ATRNL1: variants seen among roughly 807,000 people sequenced by gnomAD.
ATRNL1 encodes attractin-like protein 1.
ATRNL1 carries 95 observed loss-of-function variants against 182.7 expected under a neutral mutation model. The observed-to-expected ratio is 0.52, with a 90% CI of 0.44 to 0.62. The LOEUF (loss-of-function observed/expected upper bound fraction) is 0.62, where lower values mean the gene tolerates loss of function less well. ATRNL1 is among the 20% of genes least tolerant of loss of function. The pLI is 0.00. For synonymous variants in ATRNL1, 576 were observed against 568.3 expected, an observed-to-expected ratio of 1.01 and a Z score of -0.19; for missense variants, 1,471 against 1,679.5, an observed-to-expected ratio of 0.88 and a Z score of 2.17.
At chr10:115,388,744 T>A (rs1843807511) in intron 19 of ATRNL1, among the ~76,000 whole-genome samples, 1 of 152,074 alleles carries the variant, frequency 6.6e-6, no homozygotes, top group African/African-American at 2.4e-5. Flanking sequence ...AAATAATATT[T>A]ACATTCATGG....
At chr10:115,340,395 C>A (rs2134091827) in intron 19 of ATRNL1, among the ~76,000 whole-genome samples, 1 of 151,968 alleles carries the variant, frequency 6.6e-6, no homozygotes, top group East Asian at 1.9e-4. Flanking sequence ...ACAGCCTTGG[C>A]CTCCCAAAGT....
At chr10:115,470,888 A>G (rs1848278129) in intron 24 of ATRNL1, among the ~76,000 whole-genome samples, 1 of 150,774 alleles carries the variant, frequency 6.6e-6, no homozygotes, top group African/African-American at 2.4e-5. Context: ...ATATGTGTTT[A>G]TTTATAAGAC....
chr10:115,639,648 G>A (rs1311628854), intron 26 of ATRNL1, among the ~76,000 whole-genome samples: 4 of 152,156 alleles, frequency 2.6e-5, no homozygotes, highest in African/African-American at 7.2e-5. Context: ...ATATATGTAT[G>A]TAGCAGTACA....
At chr10:115,221,342 A>G (rs782264541) in intron 9 of ATRNL1, among the ~76,000 whole-genome samples, 7 of 152,086 alleles carry the variant, frequency 4.6e-5, no homozygotes, top group Non-Finnish European at 8.8e-5. Flanking sequence ...GTATAGACTG[A>G]TATTTATTTT....
intron 27 of ATRNL1, among the ~76,000 whole-genome samples, chr10:115,737,466 A>G (rs2532710): frequency 0.95 from 144,408 of 152,090 alleles, 68,989 homozygotes; most frequent in East Asian, 1. Flanking sequence ...TACTTCATTA[A>G]GCATTTGGTT....
At chr10:115,264,799 A>T (rs782343516) in intron 10 of ATRNL1, among the ~76,000 whole-genome samples, 1 of 151,684 alleles carries the variant, frequency 6.6e-6, no homozygotes, top group Middle Eastern at 3.2e-3. Context: ...TGACTTTTGT[A>T]TGCATACATG....
intron 20 of ATRNL1, among the ~76,000 whole-genome samples, chr10:115,420,707 C>T (rs1051165696): frequency 1.3e-5 from 2 of 151,508 alleles, no homozygotes; most frequent in East Asian, 3.9e-4. Context: ...TAATAAAGAA[C>T]AGAGAAGAAA....
intron 26 of ATRNL1, among the ~76,000 whole-genome samples, chr10:115,616,806 A>G (rs1857450964): frequency 6.6e-6 from 1 of 152,234 alleles, no homozygotes; most frequent in African/African-American, 2.4e-5. Flanking sequence ...GAGGCTAGAG[A>G]ACCTCTGCCT....
chr10:115,889,372 C>G (rs529630129), intron 28 of ATRNL1, among the ~76,000 whole-genome samples: 6 of 134,320 alleles, frequency 4.5e-5, no homozygotes, highest in Non-Finnish European at 9.3e-5. Context: ...GAGTCTTGCT[C>G]TGTCACCCAG....
intron 9 of ATRNL1, among the ~76,000 whole-genome samples, chr10:115,217,017 G>A (rs1331572690): frequency 6.6e-6 from 1 of 151,924 alleles, no homozygotes; most frequent in Non-Finnish European, 1.5e-5. Context: ...TGCTATGTTA[G>A]CAAGTGGAAT....
chr10:115,131,014 T>A (rs947568351), intron 5 of ATRNL1, among the ~76,000 whole-genome samples: 2 of 152,138 alleles, frequency 1.3e-5, no homozygotes, highest in Non-Finnish European at 2.9e-5. Context: ...GTAATATAGA[T>A]CTGATTCAAA....
At chr10:115,820,707 CGTG>C (rs1555090013) in intron 27 of ATRNL1, among the ~76,000 whole-genome samples, 2 of 152,048 alleles carry the variant, frequency 1.3e-5, no homozygotes, top group African/African-American at 4.8e-5. Context: ...GGTACAAAGT[CGTG>C]GTAAAGAGTG....
At chr10:115,485,028 TG>T (rs1554974894) in intron 24 of ATRNL1, among the ~76,000 whole-genome samples, 1 of 151,976 alleles carries the variant, frequency 6.6e-6, no homozygotes, top group East Asian at 1.9e-4. Flanking sequence ...GATCATGGTC[TG>T]TTTTTTTGTG....
At chr10:115,728,944 G>C (rs1184643324) in intron 27 of ATRNL1, among the ~76,000 whole-genome samples, 8 of 152,072 alleles carry the variant, frequency 5.3e-5, no homozygotes, top group Non-Finnish European at 8.8e-5. Context: ...AGAAAACTTA[G>C]ACTATTTTTG....
chr10:115,713,623 A>ATG (rs1555055295), intron 26 of ATRNL1, among the ~76,000 whole-genome samples: 1 of 56,390 alleles, frequency 1.8e-5, no homozygotes, highest in Non-Finnish European at 4.1e-5. Context: ...ATATATACAC[A>ATG]CACACACACA....
At chr10:115,295,315 T>C (rs1373782606) in intron 15 of ATRNL1, among the ~76,000 whole-genome samples, 5 of 152,028 alleles carry the variant, frequency 3.3e-5, no homozygotes, top group African/African-American at 9.7e-5. Flanking sequence ...GAATATCTGC[T>C]GGGAGTGCCT....
At chr10:115,178,580 A>G (rs1454397128) in intron 8 of ATRNL1, among the ~76,000 whole-genome samples, 3 of 152,154 alleles carry the variant, frequency 2.0e-5, no homozygotes, top group Non-Finnish European at 2.9e-5. Flanking sequence ...TCATGTTGAA[A>G]CCTAATCCCC....
intron 27 of ATRNL1, among the ~76,000 whole-genome samples, chr10:115,800,231 AAAAG>A (rs1427602436): frequency 3.9e-5 from 6 of 152,062 alleles, no homozygotes; most frequent in South Asian, 4.2e-4. Context: ...AAAAAAAAAA[AAAAG>A]AAGAAGAATC....
intron 27 of ATRNL1, among the ~76,000 whole-genome samples, chr10:115,735,779 G>A (rs1298633367): frequency 6.6e-6 from 1 of 152,164 alleles, no homozygotes; most frequent in Non-Finnish European, 1.5e-5. Flanking sequence ...CTTGTTCCAA[G>A]TCAGAATTAT....
Sources: allele counts gnomAD v4.1 joint callset (sites outside exome capture counted in the v4.1 genomes callset), GRCh38; gene constraint gnomAD v4.1.1; transcripts MANE v1.5; gene names NCBI Gene and HGNC (gene_info 2026-07-23, HGNC 2026-07-21).